The following CPLANE1 variants were observed in gnomAD, a reference collection of about 807,000 sequenced individuals.
CPLANE1 encodes the protein ciliogenesis and planar polarity effector complex subunit 1, also known as ciliogenesis and planar polarity effector 1.
CPLANE1 carries 263 observed loss-of-function variants against 362.5 expected under a neutral mutation model. That is an observed-to-expected ratio of 0.73 (90% CI 0.66 to 0.80). CPLANE1 has a LOEUF of 0.80. Among genes scored for constraint, CPLANE1 ranks in the 30% least tolerant of loss-of-function variants. CPLANE1 has a pLI of 0.00. For synonymous variants in CPLANE1, 1,212 were observed against 1,302.6 expected, an observed-to-expected ratio of 0.93 and a Z score of 1.50; for missense variants, 3,461 against 3,793.4, an observed-to-expected ratio of 0.91 and a Z score of 2.30.
chr5:37,209,983 TAGA>T lies in CPLANE1; in HGVS notation c.2921-3561_2921-3559del. 1 of 935,798 alleles carries T rather than the reference TAGA, an allele frequency of 1.1e-6. No individual in the cohort carries two copies. The highest frequency in any genetic ancestry group is 1.7e-6 in the Non-Finnish European group (1 of 574,778). The allele number at this position is 935,798 out of a possible 1,614,324, so 58.0% of individuals were successfully genotyped here. A position where few individuals can be genotyped will look rare whatever the true frequency, so the allele number is the denominator to read the frequency against. On this transcript the variant is annotated intron_variant, in intron 16 of 52. Transcript: ENST00000651892. The surrounding 1 kb of genome is among the most constrained non-coding windows in gnomAD (Gnocchi z 4.6). ...AAGCTAAATGAATATAAGAGAGAAA[TAGA>T]AGAGCAACTTCGGGAAGAAATATGT...
rs749403465 is a variant in CPLANE1 at position 37,169,377 on chromosome 5, G to T, written c.6647C>A (p.Ala2216Glu). Residue 2216 changes from alanine to glutamate, a missense_variant, in exon 34 of 53, where the codon GCA becomes GAA. This residue lies in a region of CPLANE1 where 3,380 missense variants were observed against 3,666.1 expected (regional missense o/e 0.92). Coordinates refer to ENST00000651892, the MANE Select transcript of CPLANE1 (RefSeq NM_001384732.1). Reference sequence around the variant, plus strand: ...GCCATCACCAGGACTAAATGTTTTTGCATGTGGGATAAGTCTAGGTGCCTT... The same window carrying T: ...GCCATCACCAGGACTAAATGTTTTTTCATGTGGGATAAGTCTAGGTGCCTT... ...VQKAPRLIPH[A>E]KTFSPGDGFP... 4 of 1,614,138 alleles carry T rather than the reference G, an allele frequency of 2.5e-6. No homozygotes were observed. The highest frequency in any genetic ancestry group is 3.4e-6 in the Non-Finnish European group (4 of 1,180,006).
chr5:37,092,366 C>A, the CPLANE1 span, among the ~76,000 whole-genome samples: 1 of 152,208 alleles, frequency 6.6e-6, no homozygotes, highest in Admixed American at 6.5e-5. Context: ...AAAGAAAATG[C>A]CTTAACAGCC....
chr5:37,195,487 G>C (rs961732947), intron 21 of CPLANE1, among the ~76,000 whole-genome samples: 7 of 151,794 alleles, frequency 4.6e-5, no homozygotes, highest in Admixed American at 4.6e-4. Flanking sequence ...TGTCATCCCA[G>C]CTACTCAGGA....
the CPLANE1 span, among the ~76,000 whole-genome samples, chr5:37,086,561 G>C: frequency 5.3e-5 from 8 of 152,194 alleles, no homozygotes; most frequent in African/African-American, 1.9e-4. Context: ...TATCTAAATA[G>C]CTTGTTTACT....
At chr5:37,100,823 C>T in the CPLANE1 span, among the ~76,000 whole-genome samples, 3 of 152,112 alleles carry the variant, frequency 2.0e-5, no homozygotes, top group Non-Finnish European at 4.4e-5. Flanking sequence ...TTGAAGAAGT[C>T]ATTTCCCTTG....
intron 18 of CPLANE1, among the ~76,000 whole-genome samples, chr5:37,204,547 T>G (rs1790135424): frequency 6.6e-6 from 1 of 151,992 alleles, no homozygotes; most frequent in South Asian, 2.1e-4. Flanking sequence ...TAGGTGAGAG[T>G]TGAAATAAAT....
At chr5:37,084,532 C>G in the CPLANE1 span, among the ~76,000 whole-genome samples, 1 of 152,142 alleles carries the variant, frequency 6.6e-6, no homozygotes, top group Non-Finnish European at 1.5e-5. Context: ...GTAATCCCAG[C>G]ACTTTGGGAG....
chr5:37,245,130 C>T (rs1271365684), intron 4 of CPLANE1, among the ~76,000 whole-genome samples: 1 of 148,836 alleles, frequency 6.7e-6, no homozygotes. Flanking sequence ...GGCGACAGAG[C>T]GAGACTCCGT....
At chr5:37,230,452 G>T (rs141487372) in intron 9 of CPLANE1, among the ~76,000 whole-genome samples, 2 of 151,720 alleles carry the variant, frequency 1.3e-5, no homozygotes, top group South Asian at 4.2e-4. Flanking sequence ...ATTAAAATAC[G>T]GCTAAATCCT....
At chr5:37,222,650 T>G (rs1327582609) in intron 14 of CPLANE1, among the ~76,000 whole-genome samples, 1 of 152,202 alleles carries the variant, frequency 6.6e-6, no homozygotes, top group Non-Finnish European at 1.5e-5. Context: ...TACAAAAACT[T>G]TTCTATACCC....
At chr5:37,085,314 G>A in the CPLANE1 span, 1 of 1,179,816 alleles carries the variant, frequency 8.5e-7, no homozygotes, top group South Asian at 1.2e-5. Flanking sequence ...TGGATTCATG[G>A]ATGTCATCAG....
intron 43 of CPLANE1, among the ~76,000 whole-genome samples, chr5:37,143,087 CA>C (rs1340908643): frequency 6.6e-6 from 1 of 152,232 alleles, no homozygotes; most frequent in Non-Finnish European, 1.5e-5. Context: ...CAAGCATGAA[CA>C]GGGTCTGAAT....
chr5:37,145,406 T>C (rs907383943), intron 43 of CPLANE1, among the ~76,000 whole-genome samples: 1 of 152,200 alleles, frequency 6.6e-6, no homozygotes, highest in Admixed American at 6.5e-5. Context: ...GGTAGATATA[T>C]TCACCTTAAT....
chr5:37,113,078 A>T (rs1759815783), intron 51 of CPLANE1, among the ~76,000 whole-genome samples: 1 of 152,210 alleles, frequency 6.6e-6, no homozygotes, highest in South Asian at 2.1e-4. Context: ...CTAGAAAACA[A>T]TTCATAATGG....
chr5:37,222,851 G>A (rs573225277), intron 14 of CPLANE1, among the ~76,000 whole-genome samples: 13 of 152,204 alleles, frequency 8.5e-5, no homozygotes, highest in African/African-American at 2.2e-4. Flanking sequence ...AAGGCTTCTC[G>A]TCTGACTGAT....
At position 37,195,882 on chromosome 5, in the gene CPLANE1, C is replaced by T. The variant is rs751975523; in HGVS notation, c.3787G>A (p.Asp1263Asn). The change falls in exon 21 of 53, where the codon GAT becomes AAT. Residue 1263 changes from aspartate (D) to asparagine (N), a missense_variant. Asp to Asn is a conservative substitution (Grantham distance 23). This residue lies in a region of CPLANE1 where 3,380 missense variants were observed against 3,666.1 expected (regional missense o/e 0.92). Transcript: ENST00000651892. ...CCTATTGCTCTAATGGAAACTTCATCAAGCTTGTGGTCTCCAGCTGCTCCA... is the reference window on the plus strand; with the variant it reads ...CCTATTGCTCTAATGGAAACTTCATTAAGCTTGTGGTCTCCAGCTGCTCCA... ...RPGAAGDHKL[D>N]EVSIRAIGCF... 30 of 1,611,476 alleles carry T rather than the reference C, an allele frequency of 1.9e-5. No homozygotes were observed. The highest frequency in any genetic ancestry group is 2.2e-5 in the Non-Finnish European group (26 of 1,179,146).
At position 37,107,412 on chromosome 5, in the gene CPLANE1, C is replaced by A; in HGVS notation, c.*190G>T. Reference sequence around the variant, plus strand: ...AATACATCAATAGTCAACCCTTTCCCCATAAAGGCAAAGTTACTGAGAAAT... The same window carrying A: ...AATACATCAATAGTCAACCCTTTCCACATAAAGGCAAAGTTACTGAGAAAT... On this transcript the variant is annotated 3_prime_UTR_variant, in exon 53 of 53. Transcript: ENST00000651892. The A allele has an allele frequency of 7.8e-7, 1 of 1,277,602 alleles. No homozygotes were observed. Among genetic ancestry groups the A allele is most frequent in the Non-Finnish European group, 9.9e-7 (1 of 1,007,460 alleles). The allele number at this position is 1,277,602 out of a possible 1,614,324, so 79.1% of individuals were successfully genotyped here. A position where few individuals can be genotyped will look rare whatever the true frequency, so the allele number is the denominator to read the frequency against.
intron 32 of CPLANE1, among the ~76,000 whole-genome samples, chr5:37,173,029 C>T (rs962087023): frequency 1.3e-5 from 2 of 151,604 alleles, no homozygotes; most frequent in South Asian, 2.1e-4. Context: ...AAATTAGTGC[C>T]GAGAATCATC....
the CPLANE1 span, among the ~76,000 whole-genome samples, chr5:37,084,641 G>A: frequency 6.6e-6 from 1 of 151,970 alleles, no homozygotes; most frequent in East Asian, 1.9e-4. Context: ...TTAGCCAGGC[G>A]TGGTGGCAAG....
Sources: gnomAD v4.1 joint callset for allele counts (sites outside exome capture counted in the v4.1 genomes callset) on GRCh38, gnomAD v4.1.1 for gene constraint, gnomAD v4.1.1 regional missense constraint, Gnocchi (gnomAD v3.1) non-coding constraint, MANE v1.5 for transcripts, NCBI Gene and HGNC (gene_info 2026-07-23, HGNC 2026-07-21) for gene names.